IL1RAPL2: variants seen among roughly 807,000 people sequenced by gnomAD.
The protein encoded by IL1RAPL2 is interleukin 1 receptor accessory protein like 2, also known as X-linked interleukin-1 receptor accessory protein-like 2.
In IL1RAPL2, 3 loss-of-function variants were observed where a neutral mutation model predicts 44.1. The observed-to-expected ratio is 0.07, with a 90% CI of 0.03 to 0.18. The LOEUF is 0.18. Among genes scored for constraint, IL1RAPL2 ranks in the 10% least tolerant of loss-of-function variants. The pLI is 1.00. For missense variants in IL1RAPL2, 391 were observed against 496.4 expected (o/e 0.79, Z 2.02); for synonymous variants, 181 against 178.8 (o/e 1.01, Z -0.10).
At chrX:104,917,348 C>T (rs1178378648) in intron 2 of IL1RAPL2, among the ~76,000 whole-genome samples, 15 of 112,158 alleles carry the variant, frequency 1.3e-4, no homozygotes, top group Middle Eastern at 4.6e-3. Flanking sequence ...AACAATTCCT[C>T]ATTAGATTTC....
At chrX:105,190,524 A>G (rs1223113082) in intron 2 of IL1RAPL2, among the ~76,000 whole-genome samples, 1 of 112,516 alleles carries the variant, frequency 8.9e-6, no homozygotes, top group East Asian at 2.8e-4. Flanking sequence ...TTAAGTTTAC[A>G]TAGTTGAAAC....
In IL1RAPL2 at chrX:104,908,905, G is replaced by T. The variant is rs746731372; in HGVS notation, c.82+249910G>T. Reference sequence around the variant, plus strand: ...AATGTTGGCCTGCCTTGCTAGATTGGGGAAGTTCTCCTGGATAATATCCTG... The same window carrying T: ...AATGTTGGCCTGCCTTGCTAGATTGTGGAAGTTCTCCTGGATAATATCCTG... On this transcript the variant is annotated intron_variant, in intron 2 of 10. Transcript: ENST00000372582. 9.9e-5 allele frequency among the ~76,000 whole-genome samples: 11 copies of T among 110,889 alleles called. 1 individual carries two copies. The South Asian group carries it at 3.9e-3, about 39-fold the overall frequency.
chrX:105,447,404 TATAA>T (rs2035973799), intron 5 of IL1RAPL2, among the ~76,000 whole-genome samples: 1 of 69,548 alleles, frequency 1.4e-5, no homozygotes, highest in African/African-American at 6.1e-5. Flanking sequence ...TATATAAATA[TATAA>T]ATATAAATAT....
At position 105,748,992 on chromosome X, in the gene IL1RAPL2, C is replaced by A. The variant is rs1250179564; in HGVS notation, c.1081C>A (p.Leu361Met). ...LIYKIELAGG[L>M]GAIFLLLVLL... is the part of the protein sequence containing the mutation. ...CTATAAAATTGAGCTTGCAGGGGGC[C>A]TGGGAGCAATCTTCCTCCTCCTTGT... Residue 361 changes from leucine (L) to methionine (M), a missense_variant, in exon 9 of 11, where the codon CTG (leucine) becomes ATG (methionine). Transcript: ENST00000372582. The A allele has an allele frequency of 2.5e-6, 3 of 1,207,539 alleles. No homozygotes were observed. The highest frequency in any genetic ancestry group is 3.4e-6 in the Non-Finnish European group (3 of 893,467).
chrX:105,451,964 A>T (rs756953792), intron 5 of IL1RAPL2, among the ~76,000 whole-genome samples: 1 of 111,433 alleles, frequency 9.0e-6, no homozygotes, highest in Admixed American at 9.6e-5. Flanking sequence ...ATATATAATT[A>T]CTAATATAAA....
chrX:104,588,356 C>T (rs778631161), intron 1 of IL1RAPL2, among the ~76,000 whole-genome samples: 1 of 111,307 alleles, frequency 9.0e-6, no homozygotes, highest in East Asian at 2.8e-4. Flanking sequence ...GGTATTTATC[C>T]CCCACTTGCA....
chrX:104,648,532 T>C (rs946931476), intron 1 of IL1RAPL2, among the ~76,000 whole-genome samples: 2 of 112,211 alleles, frequency 1.8e-5, no homozygotes, highest in African/African-American at 6.5e-5. Context: ...CAAACACTTT[T>C]ATTGATGGAA....
At chrX:105,314,570 A>G (rs1375781928) in intron 5 of IL1RAPL2, among the ~76,000 whole-genome samples, 1 of 111,318 alleles carries the variant, frequency 9.0e-6, no homozygotes, top group African/African-American at 3.3e-5. Context: ...TTTTCCTTCT[A>G]TTATGTTATA....
intron 5 of IL1RAPL2, among the ~76,000 whole-genome samples, chrX:105,347,537 C>T (rs188170575): frequency 5.9e-5 from 6 of 101,330 alleles, no homozygotes; most frequent in African/African-American, 1.9e-4. Flanking sequence ...TTCCTCCTCC[C>T]GCTCTTCCCT....
At chrX:105,279,686 A>T (rs200230745) in intron 5 of IL1RAPL2, among the ~76,000 whole-genome samples, 1 of 111,265 alleles carries the variant, frequency 9.0e-6, no homozygotes, top group East Asian at 2.9e-4. Context: ...CACCATGTTG[A>T]CCAGGATGGT....
intron 5 of IL1RAPL2, among the ~76,000 whole-genome samples, chrX:105,446,782 G>A (rs185744900): frequency 4.6e-5 from 5 of 107,718 alleles, no homozygotes; most frequent in East Asian, 2.9e-4. Context: ...TTTTTGATTC[G>A]TTCATCATTT....
intron 2 of IL1RAPL2, among the ~76,000 whole-genome samples, chrX:104,906,809 T>C (rs761910354): frequency 3.1e-3 from 350 of 112,123 alleles, no homozygotes; most frequent in African/African-American, 0.011. Flanking sequence ...ATCAGAATGA[T>C]GCTGGCCTCA....
intron 6 of IL1RAPL2, among the ~76,000 whole-genome samples, chrX:105,678,462 T>G: frequency 9.0e-6 from 1 of 111,667 alleles, no homozygotes; most frequent in Non-Finnish European, 1.9e-5. Flanking sequence ...CTAACTACTT[T>G]TTGTATCCAT....
chrX:105,062,536 T>A (rs2032088203), intron 2 of IL1RAPL2, among the ~76,000 whole-genome samples: 1 of 111,584 alleles, frequency 9.0e-6, no homozygotes, highest in African/African-American at 3.3e-5. Context: ...GAGTTTTGTA[T>A]CTTCAGGTGG....
intron 6 of IL1RAPL2, among the ~76,000 whole-genome samples, chrX:105,578,984 C>T (rs2037070098): frequency 9.0e-6 from 1 of 111,654 alleles, no homozygotes; most frequent in African/African-American, 3.3e-5. Context: ...GCCATCTCCC[C>T]TGGGAATAAT....
At chrX:105,253,739 T>C (rs1433728491) in intron 4 of IL1RAPL2, among the ~76,000 whole-genome samples, 5 of 111,592 alleles carry the variant, frequency 4.5e-5, no homozygotes, top group African/African-American at 1.6e-4. Flanking sequence ...GTCTGTTGTT[T>C]TCTTCTTTGT....
At chrX:105,035,351 G>A (rs1402967857) in intron 2 of IL1RAPL2, among the ~76,000 whole-genome samples, 1 of 111,968 alleles carries the variant, frequency 8.9e-6, no homozygotes, top group Non-Finnish European at 1.9e-5. Context: ...AGGAGCTGTA[G>A]ACTGGAGCTG....
At chrX:105,523,228 A>G (rs894069032) in intron 6 of IL1RAPL2, among the ~76,000 whole-genome samples, 34 of 111,623 alleles carry the variant, frequency 3.0e-4, no homozygotes, top group African/African-American at 1.0e-3. Flanking sequence ...CTGCTTCTAA[A>G]AATGATTAGC....
At chrX:105,203,858 C>G (rs782376672) in intron 3 of IL1RAPL2, among the ~76,000 whole-genome samples, 4 of 111,690 alleles carry the variant, frequency 3.6e-5, no homozygotes, top group Non-Finnish European at 7.5e-5. Context: ...CTTTCTGACC[C>G]CTTAATGTTA....
Sources: allele counts gnomAD v4.1 joint callset (sites outside exome capture counted in the v4.1 genomes callset), GRCh38; gene constraint gnomAD v4.1.1; transcripts MANE v1.5; gene names NCBI Gene and HGNC (gene_info 2026-07-23, HGNC 2026-07-21).